PCDHGC3: variants seen among roughly 807,000 people sequenced by gnomAD.
PCDHGC3 encodes the protein protocadherin gamma subfamily C, 3.
Under a neutral mutation model 59.2 loss-of-function variants are expected in PCDHGC3, and 26 were observed. That is an observed-to-expected ratio of 0.44 (90% CI 0.32 to 0.61). The LOEUF is 0.61. PCDHGC3 is among the 20% of genes least tolerant of loss of function. The pLI, the probability that PCDHGC3 is intolerant of heterozygous loss-of-function variation, is 0.05. For missense variants in PCDHGC3, 1,080 were observed against 1,221.8 expected (o/e 0.88, Z 1.73); for synonymous variants, 487 against 519.7 (o/e 0.94, Z 0.86).
Position 141,491,623 on chromosome 5 carries a change from G to T in PCDHGC3, c.2431-3184G>T. 1 of 1,613,930 alleles carries T rather than the reference G, an allele frequency of 6.2e-7. No homozygotes were observed. The highest frequency in any genetic ancestry group is 1.1e-5 in the South Asian group (1 of 91,084). On this transcript the variant is annotated intron_variant, in intron 1 of 3. Transcript: ENST00000308177. This position sits in a 1 kb window ranked among gnomAD's most constrained non-coding sequence, Gnocchi z 6.9. ...CTTCACTTTTCTAAGACCCCTCAGC[G>T]TTCAGCAGCCCACAGCTCTGGCGCT...
rs1457243337 is a variant in PCDHGC3 at position 141,493,567 on chromosome 5, C to T, written c.2431-1240C>T. Reference sequence around the variant, plus strand: ...TTTGGAGATTGAGTTCCCCCAGCTCCGTTTCCTCCTATCACAATCACTGCA... The same window carrying T: ...TTTGGAGATTGAGTTCCCCCAGCTCTGTTTCCTCCTATCACAATCACTGCA... On this transcript the variant is annotated intron_variant, in intron 1 of 3. Transcript: ENST00000308177. This position sits in a 1 kb window ranked among gnomAD's most constrained non-coding sequence, Gnocchi z 4.3. Among the ~76,000 whole-genome samples, 3 of 152,266 alleles carry T rather than the reference C, an allele frequency of 2.0e-5. No individual in the cohort carries two copies. The highest frequency in any genetic ancestry group is 4.4e-5 in the Non-Finnish European group (3 of 68,018).
chr5:141,508,183 A>G (rs1596134418), intron 3 of PCDHGC3: 1 of 152,336 alleles, frequency 6.6e-6, no homozygotes, highest in African/African-American at 2.4e-5. Context: ...GAGAGAAGGC[A>G]TCACCCCCAC....
chr5:141,490,903 C>G lies in PCDHGC3; in HGVS notation c.2431-3904C>G. 6.2e-7 allele frequency: 1 copy of G among 1,613,764 alleles called. No homozygotes were observed. The highest frequency in any genetic ancestry group is 1.7e-5 in the Admixed American group (1 of 60,022). On this transcript the variant is annotated intron_variant, in intron 1 of 3. Coordinates refer to ENST00000308177, the MANE Select transcript of PCDHGC3 (RefSeq NM_002588.4). This position sits in a 1 kb window ranked among gnomAD's most constrained non-coding sequence, Gnocchi z 5.4. ...CAACACATCTCTGCATGTGTTTGTC[C>G]TAGACGAGAATGATAATGCCCCAGC... is the stretch of plus-strand genomic sequence containing the variant.
intron 2 of PCDHGC3, among the ~76,000 whole-genome samples, chr5:141,503,596 C>T (rs1267014587): frequency 7.7e-6 from 1 of 129,694 alleles, no homozygotes; most frequent in African/African-American, 3.3e-5. Context: ...GAGACTCCAG[C>T]TCAAAAAAAA....
In PCDHGC3 at chr5:141,478,301, G is replaced by C. The variant is rs778427815; in HGVS notation, c.2185G>C (p.Ala729Pro). ...KWKQSRDLYR[A>P]PVSSLYRTPG... ...GAAGCAGTCTAGAGACCTATACCGA[G>C]CCCCGGTGAGCTCACTGTACCGAAC... The change falls in exon 1 of 4, where the codon GCC becomes CCC. Residue 729 changes from alanine to proline, a missense_variant. Physicochemically the swap from Ala to Pro is conservative, Grantham distance 27 (BLOSUM62 -1). Coordinates refer to ENST00000308177, the MANE Select transcript of PCDHGC3 (RefSeq NM_002588.4). 2.5e-6 allele frequency: 4 copies of C among 1,614,074 alleles called. No individual in the cohort carries two copies. In the South Asian group the frequency reaches 4.4e-5, roughly 18 times the overall value.
In PCDHGC3 at chr5:141,486,727, T is replaced by C; in HGVS notation, c.2431-8080T>C. ...TGAACCCCCAGACAGGAGCTGTTCA[T>C]GCTACTCGATCCTTTGACTATGAGC... On this transcript the variant is annotated intron_variant, in intron 1 of 3. Transcript: ENST00000308177. The surrounding 1 kb of genome is among the most constrained non-coding windows in gnomAD (Gnocchi z 5.0). 6.2e-7 allele frequency: 1 copy of C among 1,614,232 alleles called. No homozygotes were observed. Among genetic ancestry groups the C allele is most frequent in the Non-Finnish European group, 8.5e-7 (1 of 1,180,044 alleles).
At chr5:141,484,451 T>G (rs2099596635) in intron 1 of PCDHGC3, among the ~76,000 whole-genome samples, 2 of 152,264 alleles carry the variant, frequency 1.3e-5, no homozygotes, top group South Asian at 4.1e-4. Flanking sequence ...TTTAATTGGC[T>G]ACGTTAATGT....
At chr5:141,499,300 C>G (rs2154592463) in intron 2 of PCDHGC3, among the ~76,000 whole-genome samples, 1 of 152,292 alleles carries the variant, frequency 6.6e-6, no homozygotes, top group South Asian at 2.1e-4. Context: ...ACTACCATCC[C>G]TCCTCTGAGA....
chr5:141,490,445 A>G lies in PCDHGC3; in HGVS notation c.2431-4362A>G, dbSNP rs2099700298. 6.2e-7 allele frequency: 1 copy of G among 1,614,022 alleles called. No individual in the cohort carries two copies. The highest frequency in any genetic ancestry group is 8.5e-7 in the Non-Finnish European group (1 of 1,180,030). ...CCATTTCAGATTAAGCCTTCTGAGA[A>G]CCACTACTCGCTGCTAACCAGCCAG... On this transcript the variant is annotated intron_variant, in intron 1 of 3. Coordinates refer to ENST00000308177, the MANE Select transcript of PCDHGC3 (RefSeq NM_002588.4). The surrounding 1 kb of genome is among the most constrained non-coding windows in gnomAD (Gnocchi z 5.4).
rs141095222 is a variant in PCDHGC3, at chr5:141,496,668, C to T, written c.2489+1803C>T. Reference sequence around the variant, plus strand: ...CCCTTCCTTTGACCCCAGCTGTTGTCCTTCTCCCTGCTGGCCTTGCCAACC... The same window carrying T: ...CCCTTCCTTTGACCCCAGCTGTTGTTCTTCTCCCTGCTGGCCTTGCCAACC... On this transcript the variant is annotated intron_variant, in intron 2 of 3. Coordinates refer to ENST00000308177, the MANE Select transcript of PCDHGC3 (RefSeq NM_002588.4). Among the ~76,000 whole-genome samples the T allele has an allele frequency of 1.3e-3, 204 of 152,328 alleles. 1 individual carries two copies. The highest frequency in any genetic ancestry group is 5.6e-3 in the Admixed American group (85 of 15,298).
In PCDHGC3 at chr5:141,487,260, C is replaced by T; in HGVS notation, c.2431-7547C>T. 6.2e-7 allele frequency: 1 copy of T among 1,614,116 alleles called. No homozygotes were observed. The highest frequency in any genetic ancestry group is 1.1e-5 in the South Asian group (1 of 91,080). On this transcript the variant is annotated intron_variant, in intron 1 of 3. Coordinates refer to ENST00000308177, the MANE Select transcript of PCDHGC3 (RefSeq NM_002588.4). The surrounding 1 kb of genome is among the most constrained non-coding windows in gnomAD (Gnocchi z 5.0). ...CGTCTAACCCTCTACTTGGCTGTGT[C>T]CCTAGTGGCAATTTGCTTTGTCTCC...
rs537755017 is a variant in PCDHGC3 at position 141,491,797 on chromosome 5, G to A, written c.2431-3010G>A. 16 of 1,506,818 alleles carry A rather than the reference G, an allele frequency of 1.1e-5. No individual in the cohort carries two copies. In the Admixed American group the frequency reaches 2.2e-4, roughly 20 times the overall value. The allele number at this position is 1,506,818 out of a possible 1,614,324, so 93.3% of individuals were successfully genotyped here. A position where few individuals can be genotyped will look rare whatever the true frequency, so the allele number is the denominator to read the frequency against. ...ATTGAACTTGCATCCACTCCTCTCC[G>A]GCCGGCTTGGTCGCTGGCTGCGCTC... On this transcript the variant is annotated intron_variant, in intron 1 of 3. Transcript: ENST00000308177. The surrounding 1 kb of genome is among the most constrained non-coding windows in gnomAD (Gnocchi z 6.9).
intron 1 of PCDHGC3, among the ~76,000 whole-genome samples, chr5:141,492,586 G>C (rs1451055991): frequency 6.6e-6 from 1 of 152,220 alleles, no homozygotes; most frequent in Admixed American, 6.5e-5. Context: ...GGGGCCAGGA[G>C]CGCTGGAGCG....
In PCDHGC3 at chr5:141,511,774, T is replaced by C. The variant is rs1173144009; in HGVS notation, c.*601T>C. 6.2e-6 allele frequency: 1 copy of C among 160,350 alleles called. No homozygotes were observed. The highest frequency in any genetic ancestry group is 1.4e-5 in the Non-Finnish European group (1 of 72,132). The allele number at this position is 160,350 out of a possible 1,614,324, so 9.9% of individuals were successfully genotyped here. A position where few individuals can be genotyped will look rare whatever the true frequency, so the allele number is the denominator to read the frequency against. On this transcript the variant is annotated 3_prime_UTR_variant, in exon 4 of 4. Coordinates refer to ENST00000308177, the MANE Select transcript of PCDHGC3 (RefSeq NM_002588.4). ...ATGATCACCATCCCCATGGTACTGA[T>C]GCTTGCTGGATTTAGGGAGGGCATT...
In PCDHGC3 at chr5:141,510,272, T is replaced by TAAA. The variant is rs546154379; in HGVS notation, c.2579-658_2579-656dup. 1.5e-3 allele frequency among the ~76,000 whole-genome samples: 198 copies of TAAA among 130,372 alleles called. 1 individual carries two copies. Among genetic ancestry groups the TAAA allele is most frequent in the Non-Finnish European group, 2.8e-3 (172 of 61,058 alleles). The allele number at this position is 130,372 out of a possible 152,430, so 85.5% of individuals were successfully genotyped here. ...TGGGCGACAGAGCAGGACTCCATCTTAAAAAAAAAAAAAAAAAAATGCTGT... is the reference window on the plus strand; with the variant it reads ...TGGGCGACAGAGCAGGACTCCATCTTAAAAAAAAAAAAAAAAAAAAAATGCTGT... On this transcript the variant is annotated intron_variant, in intron 3 of 3. Coordinates refer to ENST00000308177, the MANE Select transcript of PCDHGC3 (RefSeq NM_002588.4).
rs748605515 is a variant in PCDHGC3 at position 141,486,688 on chromosome 5, C to T, written c.2431-8119C>T. ...CCAGGAATCGAGATGTATCAGCTTC[C>T]TCTTTCATCTCTCTGAACCCCCAGA... On this transcript the variant is annotated intron_variant, in intron 1 of 3. Transcript: ENST00000308177. The surrounding 1 kb of genome is among the most constrained non-coding windows in gnomAD (Gnocchi z 5.0). 2 of 1,614,170 alleles carry T rather than the reference C, an allele frequency of 1.2e-6. No individual in the cohort carries two copies. The highest frequency in any genetic ancestry group is 1.1e-5 in the South Asian group (1 of 91,086).
intron 3 of PCDHGC3, among the ~76,000 whole-genome samples, chr5:141,509,808 G>A (rs905531504): frequency 3.9e-5 from 6 of 152,028 alleles, no homozygotes; most frequent in Non-Finnish European, 7.4e-5. Context: ...TCATAGAGCC[G>A]AGCTCTTCTC....
chr5:141,492,091 C>G (rs930375969), intron 1 of PCDHGC3, among the ~76,000 whole-genome samples: 5 of 152,242 alleles, frequency 3.3e-5, no homozygotes, highest in Non-Finnish European at 5.9e-5. Flanking sequence ...CACGCTTCGC[C>G]GGTCTGTAGA....
Position 141,491,968 on chromosome 5 carries a change from G to GC in PCDHGC3, c.2431-2837dup. On this transcript the variant is annotated intron_variant, in intron 1 of 3. Coordinates refer to ENST00000308177, the MANE Select transcript of PCDHGC3 (RefSeq NM_002588.4). The surrounding 1 kb of genome is among the most constrained non-coding windows in gnomAD (Gnocchi z 6.9). ...ACCCCTACACTCAAAAAAGGCCGGG[G>GC]CCTCCTTCGAGCTTCCGGTGAATTT... 1.1e-6 allele frequency: 1 copy of GC among 923,644 alleles called. No homozygotes were observed. Among genetic ancestry groups the GC allele is most frequent in the Admixed American group, 3.6e-5 (1 of 27,548 alleles). 57.2% of individuals were successfully genotyped at this position (923,644 alleles called of 1,614,324 possible).
Sources: allele counts gnomAD v4.1 joint callset (sites outside exome capture counted in the v4.1 genomes callset), GRCh38; gene constraint gnomAD v4.1.1; non-coding constraint Gnocchi (gnomAD v3.1); transcripts MANE v1.5; gene names NCBI Gene and HGNC (gene_info 2026-07-23, HGNC 2026-07-21).